The following PIP5K1B variants were observed in gnomAD, a reference collection of about 807,000 sequenced individuals.
PIP5K1B encodes the protein phosphatidylinositol 4-phosphate 5-kinase type-1 beta.
A neutral mutation model predicts 67.0 loss-of-function variants in PIP5K1B; 42 were observed. The ratio of observed to expected loss-of-function variants is 0.63; its 90% confidence interval spans 0.49 to 0.81. The LOEUF is 0.81. PIP5K1B is among the 30% of genes least tolerant of loss of function. PIP5K1B has a pLI of 0.00. For missense variants in PIP5K1B, 459 were observed against 646.3 expected, an observed-to-expected ratio of 0.71 and a Z score of 3.14; for synonymous variants, 214 against 231.4, an observed-to-expected ratio of 0.92 and a Z score of 0.68.
At chr9:68,823,480 C>T (rs1245577825) in intron 4 of PIP5K1B, among the ~76,000 whole-genome samples, 2 of 152,174 alleles carry the variant, frequency 1.3e-5, no homozygotes, top group Non-Finnish European at 2.9e-5. Flanking sequence ...TCCTCTTCCC[C>T]ACCTTTTCTA....
At chr9:68,930,840 A>C (rs549372445) in intron 12 of PIP5K1B, among the ~76,000 whole-genome samples, 3 of 152,246 alleles carry the variant, frequency 2.0e-5, no homozygotes, top group African/African-American at 7.2e-5. Flanking sequence ...TTCACTTAAC[A>C]CATTTCCTGG....
chr9:68,828,469 T>G (rs138978865), intron 4 of PIP5K1B, among the ~76,000 whole-genome samples: 62 of 152,296 alleles, frequency 4.1e-4, no homozygotes, highest in Middle Eastern at 3.4e-3. Context: ...TTTTTTTCAC[T>G]TTGTTTTATC....
intron 2 of PIP5K1B, among the ~76,000 whole-genome samples, chr9:68,777,125 A>T (rs1830955546): frequency 6.6e-6 from 1 of 152,176 alleles, no homozygotes; most frequent in South Asian, 2.1e-4. Context: ...AAATATATCA[A>T]GGTATAGAGC....
intron 14 of PIP5K1B, among the ~76,000 whole-genome samples, chr9:68,990,398 G>GA (rs1667086389): frequency 1.3e-5 from 2 of 150,088 alleles, no homozygotes; most frequent in Non-Finnish European, 3.0e-5. Context: ...TGAAAAAGAA[G>GA]AAAAAAAGAG....
At chr9:68,863,404 T>C (rs998086258) in intron 4 of PIP5K1B, among the ~76,000 whole-genome samples, 1 of 151,986 alleles carries the variant, frequency 6.6e-6, no homozygotes, top group Non-Finnish European at 1.5e-5. Context: ...TGTATACTCA[T>C]ACACACACAC....
chr9:68,753,032 T>G (rs1297488358), intron 2 of PIP5K1B, among the ~76,000 whole-genome samples: 1 of 152,202 alleles, frequency 6.6e-6, no homozygotes. Flanking sequence ...TAAATCTTAT[T>G]GCATCTGATA....
At chr9:68,820,899 G>A (rs1833699822) in intron 3 of PIP5K1B, among the ~76,000 whole-genome samples, 1 of 152,106 alleles carries the variant, frequency 6.6e-6, no homozygotes, top group Non-Finnish European at 1.5e-5. Context: ...TTTATCTTAA[G>A]GCATTAGAAT....
intron 6 of PIP5K1B, among the ~76,000 whole-genome samples, chr9:68,880,084 A>G (rs1186079341): frequency 1.3e-5 from 2 of 152,180 alleles, no homozygotes; most frequent in Non-Finnish European, 2.9e-5. Flanking sequence ...CAAAAAGAAA[A>G]ATCTGAGGGA....
intron 1 of PIP5K1B, among the ~76,000 whole-genome samples, chr9:68,719,628 T>C (rs1827790388): frequency 6.6e-6 from 1 of 152,202 alleles, no homozygotes; most frequent in African/African-American, 2.4e-5. Context: ...GTGAAGATTA[T>C]GGAAACTGAA....
intron 6 of PIP5K1B, among the ~76,000 whole-genome samples, chr9:68,887,172 A>T (rs1824519463): frequency 6.6e-6 from 1 of 151,510 alleles, no homozygotes; most frequent in South Asian, 2.1e-4. Context: ...TCCATGATCC[A>T]TTTTTTTCTC....
rs1709735213 is a variant in PIP5K1B at position 68,779,960 on chromosome 9, A to C, written c.-86+37303A>C. On this transcript the variant is annotated intron_variant, in intron 2 of 15. Transcript: ENST00000265382. ...CCCGACCACTCCTCGCCCCTCCCCT[A>C]CCACTGCCGCGCACATATTACGCAT... The C allele has an allele frequency of 6.8e-6, 4 of 590,168 alleles. No individual in the cohort carries two copies. The East Asian group carries it at 1.3e-4, about 20-fold the overall frequency. 36.6% of individuals were successfully genotyped at this position (590,168 alleles called of 1,614,324 possible).
At chr9:68,816,741 T>C (rs959530853) in intron 2 of PIP5K1B, among the ~76,000 whole-genome samples, 5 of 152,180 alleles carry the variant, frequency 3.3e-5, no homozygotes, top group African/African-American at 1.2e-4. Flanking sequence ...GGGGCAATAT[T>C]CCATTTGGAT....
intron 1 of PIP5K1B, chr9:68,707,576 C>A (rs1189565885): frequency 6.6e-6 from 1 of 152,194 alleles, no homozygotes; most frequent in African/African-American, 2.4e-5. Flanking sequence ...CATAGTCTCA[C>A]TGTAAATTAC....
intron 13 of PIP5K1B, among the ~76,000 whole-genome samples, chr9:68,937,990 C>T (rs1179584285): frequency 6.6e-6 from 1 of 152,114 alleles, no homozygotes; most frequent in African/African-American, 2.4e-5. Context: ...CGGTCTTTTG[C>T]ATTTGCTGAG....
chr9:68,756,691 A>G (rs1020181844), intron 2 of PIP5K1B, among the ~76,000 whole-genome samples: 2 of 152,138 alleles, frequency 1.3e-5, no homozygotes, highest in African/African-American at 4.8e-5. Flanking sequence ...ATTTTTGCCT[A>G]TATTTCCATT....
At chr9:68,917,024 C>T (rs778604785) in intron 8 of PIP5K1B, among the ~76,000 whole-genome samples, 7 of 152,322 alleles carry the variant, frequency 4.6e-5, no homozygotes, top group Non-Finnish European at 7.3e-5. Context: ...AGCGTACAAA[C>T]TTACAAGCTT....
rs2133065430 is a variant in PIP5K1B at position 69,009,114 on chromosome 9, T to C, written c.*665T>C. 6.5e-6 allele frequency: 1 copy of C among 152,784 alleles called. No individual in the cohort carries two copies. The highest frequency in any genetic ancestry group is 6.5e-5 in the Admixed American group (1 of 15,300). The allele number at this position is 152,784 out of a possible 1,614,324, so 9.5% of individuals were successfully genotyped here. ...GCTTGTAAAAGAGAAATTATATAAT[T>C]TATTTAGTAAATACTACTGTAAACT... On this transcript the variant is annotated 3_prime_UTR_variant, in exon 16 of 16. Coordinates refer to ENST00000265382, the MANE Select transcript of PIP5K1B (RefSeq NM_003558.4).
intron 14 of PIP5K1B, among the ~76,000 whole-genome samples, chr9:68,948,348 C>T (rs1827899111): frequency 6.6e-6 from 1 of 152,164 alleles, no homozygotes; most frequent in Non-Finnish European, 1.5e-5. Flanking sequence ...AAGTTGGAAC[C>T]TGGCTGCGAG....
intron 4 of PIP5K1B, among the ~76,000 whole-genome samples, chr9:68,859,875 C>T (rs1013320841): frequency 1.3e-5 from 2 of 152,140 alleles, no homozygotes; most frequent in African/African-American, 4.8e-5. Flanking sequence ...CAGACATTTC[C>T]ACAAAGCAGA....
Sources: gnomAD v4.1 joint callset for allele counts (sites outside exome capture counted in the v4.1 genomes callset) on GRCh38, gnomAD v4.1.1 for gene constraint, MANE v1.5 for transcripts, NCBI Gene and HGNC (gene_info 2026-07-23, HGNC 2026-07-21) for gene names.